PLCB1: variants seen among roughly 807,000 people sequenced by gnomAD.
PLCB1 encodes 1-phosphatidylinositol 4,5-bisphosphate phosphodiesterase beta-1.
A neutral mutation model predicts 161.8 loss-of-function variants in PLCB1; 46 were observed. The observed-to-expected ratio is 0.28, with a 90% CI of 0.22 to 0.36. The LOEUF (loss-of-function observed/expected upper bound fraction) is 0.36. Among genes scored for constraint, PLCB1 ranks in the 10% least tolerant of loss-of-function variants. PLCB1 has a pLI of 1.00. For synonymous variants in PLCB1, 517 were observed against 503.7 expected (o/e 1.03, Z -0.35); for missense variants, 1,016 against 1,472.5 (o/e 0.69, Z 5.07).
chr20:8,531,925 T>C (rs1353995048), intron 3 of PLCB1, among the ~76,000 whole-genome samples: 3 of 151,882 alleles, frequency 2.0e-5, no homozygotes, highest in Non-Finnish European at 4.4e-5. Flanking sequence ...TTTGATTACA[T>C]AAAAAACTAG....
chr20:8,284,562 ACT>A (rs1281872023), intron 2 of PLCB1, among the ~76,000 whole-genome samples: 3 of 152,010 alleles, frequency 2.0e-5, no homozygotes, highest in Non-Finnish European at 4.4e-5. Context: ...ACATAGCAAG[ACT>A]CTGTCTCTGC....
At chr20:8,610,811 T>C (rs1035281753) in intron 3 of PLCB1, among the ~76,000 whole-genome samples, 1 of 152,088 alleles carries the variant, frequency 6.6e-6, no homozygotes, top group Non-Finnish European at 1.5e-5. Context: ...TATACCTAGG[T>C]TTTCTTCTAA....
intron 3 of PLCB1, among the ~76,000 whole-genome samples, chr20:8,434,541 T>C (rs1275947821): frequency 6.6e-6 from 1 of 152,214 alleles, no homozygotes; most frequent in East Asian, 1.9e-4. Flanking sequence ...TCCCAGGCAT[T>C]TTACACATAT....
intron 4 of PLCB1, among the ~76,000 whole-genome samples, chr20:8,642,257 T>C (rs891974149): frequency 2.0e-5 from 3 of 152,206 alleles, no homozygotes; most frequent in African/African-American, 7.2e-5. Flanking sequence ...CAGAATTTTT[T>C]CCAAAATTCT....
intron 3 of PLCB1, among the ~76,000 whole-genome samples, chr20:8,384,457 G>A (rs1987361226): frequency 6.6e-6 from 1 of 151,810 alleles, no homozygotes; most frequent in Non-Finnish European, 1.5e-5. Flanking sequence ...TCTTTGCATT[G>A]GATTAGAACA....
intron 29 of PLCB1, among the ~76,000 whole-genome samples, chr20:8,789,214 CAA>C (rs1192862977): frequency 6.6e-6 from 1 of 152,080 alleles, no homozygotes; most frequent in African/African-American, 2.4e-5. Context: ...TCTGTCTCTA[CAA>C]AAAAATTTTA....
chr20:8,324,216 G>GTC (rs1491026312), intron 2 of PLCB1, among the ~76,000 whole-genome samples: 1 of 84,642 alleles, frequency 1.2e-5, no homozygotes, highest in Non-Finnish European at 2.5e-5. Flanking sequence ...GTGTGTGTGT[G>GTC]TGTGTGTGTG....
At chr20:8,660,885 T>G (rs1374181404) in intron 9 of PLCB1, among the ~76,000 whole-genome samples, 1 of 152,152 alleles carries the variant, frequency 6.6e-6, no homozygotes, top group East Asian at 1.9e-4. Flanking sequence ...GTTCCACTTT[T>G]GAGTTTCAAA....
intron 2 of PLCB1, among the ~76,000 whole-genome samples, chr20:8,255,712 T>C (rs988076996): frequency 9.2e-5 from 14 of 152,044 alleles, no homozygotes; most frequent in Non-Finnish European, 1.9e-4. Context: ...TATATAATTA[T>C]ACTTTATGTT....
At chr20:8,179,684 A>G (rs1162390973) in intron 2 of PLCB1, among the ~76,000 whole-genome samples, 1 of 151,972 alleles carries the variant, frequency 6.6e-6, no homozygotes, top group Non-Finnish European at 1.5e-5. Flanking sequence ...ACTGTGTCGA[A>G]TAGGAGTGGT....
intron 31 of PLCB1, among the ~76,000 whole-genome samples, chr20:8,842,676 G>T (rs949711437): frequency 2.0e-5 from 3 of 152,118 alleles, no homozygotes; most frequent in African/African-American, 7.2e-5. Flanking sequence ...AGCTCTAAGG[G>T]GGTATGAGTG....
At chr20:8,194,309 T>A (rs1181279393) in intron 2 of PLCB1, among the ~76,000 whole-genome samples, 1 of 152,058 alleles carries the variant, frequency 6.6e-6, no homozygotes, top group Non-Finnish European at 1.5e-5. Context: ...ATGTGAAAAG[T>A]GTTTCTGGAG....
chr20:8,276,968 C>CT (rs1405441972), intron 2 of PLCB1, among the ~76,000 whole-genome samples: 1 of 114,298 alleles, frequency 8.7e-6, no homozygotes, highest in African/African-American at 3.3e-5. Flanking sequence ...TCTTCTTCTT[C>CT]TTCTTCTTCT....
chr20:8,789,281 A>C (rs974463336), intron 29 of PLCB1, among the ~76,000 whole-genome samples: 6 of 152,210 alleles, frequency 3.9e-5, no homozygotes, highest in African/African-American at 1.4e-4. Context: ...CAGAAGGCTG[A>C]GGCTGGAGGA....
chr20:8,553,917 AT>A (rs1399610732), intron 3 of PLCB1, among the ~76,000 whole-genome samples: 1 of 151,926 alleles, frequency 6.6e-6, no homozygotes, highest in Non-Finnish European at 1.5e-5. Context: ...CAGAATAATC[AT>A]TTGAACCTAG....
intron 3 of PLCB1, among the ~76,000 whole-genome samples, chr20:8,465,315 T>G (rs1981769538): frequency 6.6e-6 from 1 of 152,140 alleles, no homozygotes; most frequent in African/African-American, 2.4e-5. Flanking sequence ...AGTAGTATGA[T>G]GCAAGCCATA....
At chr20:8,165,036 A>G (rs1380204028) in intron 2 of PLCB1, among the ~76,000 whole-genome samples, 2 of 152,120 alleles carry the variant, frequency 1.3e-5, no homozygotes, top group African/African-American at 2.4e-5. Context: ...TAAAAGCGGG[A>G]ATAGAATGTG....
chr20:8,535,194 T>A (rs4813864), intron 3 of PLCB1, among the ~76,000 whole-genome samples: 31,316 of 108,558 alleles, frequency 0.29, 5,322 homozygotes, highest in Non-Finnish European at 0.33. Flanking sequence ...GAAAATAGAG[T>A]TTATGGGCAA....
intron 2 of PLCB1, among the ~76,000 whole-genome samples, chr20:8,228,393 C>T (rs1216420243): frequency 6.6e-6 from 1 of 152,126 alleles, no homozygotes; most frequent in Non-Finnish European, 1.5e-5. Flanking sequence ...CTGTTCCTTG[C>T]CATCCACCTA....
Sources: gnomAD v4.1 joint callset for allele counts (sites outside exome capture counted in the v4.1 genomes callset) on GRCh38, gnomAD v4.1.1 for gene constraint, MANE v1.5 for transcripts, NCBI Gene and HGNC (gene_info 2026-07-23, HGNC 2026-07-21) for gene names.